KIF4A: variants seen among roughly 807,000 people sequenced by gnomAD.
KIF4A encodes the protein chromosome-associated kinesin KIF4A.
KIF4A carries 7 observed loss-of-function variants against 105.9 expected under a neutral mutation model. The observed-to-expected ratio is 0.07, with a 90% CI of 0.04 to 0.12. The LOEUF is 0.12. KIF4A is among the 10% of genes least tolerant of loss of function. The pLI is 1.00. For missense variants in KIF4A, 558 were observed against 929.2 expected, an observed-to-expected ratio of 0.60 and a Z score of 5.19; for synonymous variants, 281 against 331.3, an observed-to-expected ratio of 0.85 and a Z score of 1.65.
chrX:70,306,267 G>C (rs149299950), intron 7 of KIF4A, among the ~76,000 whole-genome samples: 3,541 of 111,890 alleles, frequency 0.032, 70 homozygotes, highest in Non-Finnish European at 0.051. Context: ...TTTGTGGTAA[G>C]TTTTGAAATT....
intron 9 of KIF4A, among the ~76,000 whole-genome samples, chrX:70,333,320 CAA>C (rs1196392295): frequency 3.8e-4 from 18 of 47,646 alleles, no homozygotes; most frequent in Admixed American, 2.6e-4. Flanking sequence ...ACTCTGTCTC[CAA>C]AAAAAAAAAA....
rs551571828 is a variant in KIF4A, at chrX:70,304,424, G to A, written c.778+2026G>A. ...TATGTGTGCATGTGTCTTTATAGCA[G>A]CATGATTTATAGTCCTTTGGGTATA... On this transcript the variant is annotated intron_variant, in intron 7 of 30. Transcript: ENST00000374403. Among the ~76,000 whole-genome samples, 120 of 103,801 alleles carry A rather than the reference G, an allele frequency of 1.2e-3. 2 individuals are homozygous for A. The South Asian group carries it at 0.054, about 47-fold the overall frequency. The allele number at this position is 103,801 out of a possible 115,157, so 90.1% of individuals were successfully genotyped here.
intron 7 of KIF4A, among the ~76,000 whole-genome samples, chrX:70,315,954 G>C (rs1389131461): frequency 9.0e-6 from 1 of 111,653 alleles, no homozygotes; most frequent in East Asian, 2.8e-4. Flanking sequence ...TCTTAGCCCA[G>C]GGCTTTTCTC....
intron 25 of KIF4A, 43 bp downstream of exon 25, chrX:70,404,865 A>G (rs778122572): frequency 4.9e-5 from 43 of 872,455 alleles, no homozygotes; most frequent in Non-Finnish European, 6.8e-5. Context: ...TCACAGTACT[A>G]ACTGAGAATC....
At chrX:70,391,369 A>G (rs888027188) in intron 20 of KIF4A, among the ~76,000 whole-genome samples, 2 of 111,699 alleles carry the variant, frequency 1.8e-5, no homozygotes, top group South Asian at 3.7e-4. Context: ...CTGTATGTCT[A>G]TCATTTCTCC....
chrX:70,414,718 T>C (rs2086336315), intron 28 of KIF4A, among the ~76,000 whole-genome samples: 1 of 112,063 alleles, frequency 8.9e-6, no homozygotes, highest in African/African-American at 3.2e-5. Context: ...ACTGATTCCA[T>C]GTCATTTTAG....
intron 28 of KIF4A, among the ~76,000 whole-genome samples, chrX:70,413,131 A>G (rs1267309593): frequency 8.9e-6 from 1 of 112,276 alleles, no homozygotes; most frequent in African/African-American, 3.2e-5. Context: ...TTTTTTTCTG[A>G]GCACCTATGT....
intron 13 of KIF4A, among the ~76,000 whole-genome samples, chrX:70,345,125 A>G (rs1223433792): frequency 8.9e-6 from 1 of 111,950 alleles, no homozygotes; most frequent in East Asian, 2.8e-4. Flanking sequence ...TAAGTGCTGT[A>G]TTACTATCAA....
rs184989235 is a variant in KIF4A, at chrX:70,328,381, C to T, written c.779-1024C>T. 6.3e-5 allele frequency among the ~76,000 whole-genome samples: 7 copies of T among 110,631 alleles called. No homozygotes were observed. The East Asian group carries it at 1.7e-3, about 27-fold the overall frequency. ...GAAGGGCAAAAGCAACTAGCTAATT[C>T]TCTCCAGTCCTCTTATCAGGCACCA... is the stretch of plus-strand genomic sequence containing the variant. On this transcript the variant is annotated intron_variant, in intron 7 of 30. Transcript: ENST00000374403.
intron 11 of KIF4A, among the ~76,000 whole-genome samples, chrX:70,343,348 T>C (rs1280725989): frequency 9.0e-6 from 1 of 111,238 alleles, no homozygotes; most frequent in South Asian, 3.8e-4. Flanking sequence ...TTTGTTTGTT[T>C]GTTTTGCAAA....
intron 4 of KIF4A, among the ~76,000 whole-genome samples, chrX:70,298,121 A>T (rs1167235230): frequency 1.8e-5 from 2 of 109,897 alleles, no homozygotes; most frequent in Non-Finnish European, 3.8e-5. Flanking sequence ...AACTTTAAAG[A>T]TTAGCCAGGT....
At chrX:70,323,044 C>T (rs935315150) in intron 7 of KIF4A, among the ~76,000 whole-genome samples, 1 of 110,290 alleles carries the variant, frequency 9.1e-6, no homozygotes, top group Non-Finnish European at 1.9e-5. Flanking sequence ...AGCTTTTCCT[C>T]TCCCCACTCT....
intron 7 of KIF4A, among the ~76,000 whole-genome samples, chrX:70,324,365 C>T (rs1384369251): frequency 1.8e-5 from 2 of 112,172 alleles, no homozygotes; most frequent in Admixed American, 9.4e-5. Flanking sequence ...TACCTGTGCC[C>T]CGCACTGTGC....
intron 15 of KIF4A, among the ~76,000 whole-genome samples, chrX:70,358,689 C>A (rs1205726536): frequency 8.9e-6 from 1 of 112,301 alleles, no homozygotes; most frequent in Non-Finnish European, 1.9e-5. Flanking sequence ...AGGTAAGATA[C>A]TTTCCTACAA....
intron 5 of KIF4A, 84 bp downstream of exon 5, chrX:70,299,286 G>T: frequency 1.4e-6 from 1 of 732,852 alleles, no homozygotes; most frequent in East Asian, 3.5e-5. Context: ...CTGCCACTGT[G>T]GTTTTAAATG....
intron 15 of KIF4A, among the ~76,000 whole-genome samples, chrX:70,360,913 C>T (rs1296295709): frequency 1.8e-5 from 2 of 112,933 alleles, no homozygotes; most frequent in African/African-American, 6.4e-5. Context: ...AGGCCGAGTC[C>T]AGAAAGAGGA....
intron 25 of KIF4A, among the ~76,000 whole-genome samples, chrX:70,405,408 C>T (rs1052300661): frequency 2.7e-5 from 3 of 111,462 alleles, no homozygotes; most frequent in South Asian, 3.8e-4. Flanking sequence ...CCAGGTAGTT[C>T]GGTCAGGCTT....
At chrX:70,384,770 T>C (rs954170703) in intron 18 of KIF4A, among the ~76,000 whole-genome samples, 2 of 109,300 alleles carry the variant, frequency 1.8e-5, no homozygotes, top group African/African-American at 6.7e-5. Context: ...ACTTTGGGAG[T>C]AATGAGATAA....
intron 18 of KIF4A, among the ~76,000 whole-genome samples, chrX:70,384,529 T>C (rs755545719): frequency 9.1e-6 from 1 of 110,196 alleles, no homozygotes; most frequent in Non-Finnish European, 1.9e-5. Flanking sequence ...GAGACCAGCC[T>C]GACCAACATG....
Sources: allele counts gnomAD v4.1 joint callset (sites outside exome capture counted in the v4.1 genomes callset), GRCh38; gene constraint gnomAD v4.1.1; transcripts MANE v1.5; gene names NCBI Gene and HGNC (gene_info 2026-07-23, HGNC 2026-07-21).